Variants in CAPN9 observed in about 807,000 individuals in gnomAD.
CAPN9 encodes calpain 9.
A neutral mutation model predicts 92.8 loss-of-function variants in CAPN9; 81 were observed. The observed-to-expected ratio is 0.87, with a 90% CI of 0.73 to 1.05. CAPN9 has a LOEUF of 1.05. Among genes scored for constraint, CAPN9 ranks in the 50% least tolerant of loss-of-function variants. The pLI is 0.00. For missense variants in CAPN9, 848 were observed against 866.2 expected (o/e 0.98, Z 0.26); for synonymous variants, 304 against 328.0 (o/e 0.93, Z 0.79).
intron 18 of CAPN9, among the ~76,000 whole-genome samples, chr1:230,797,556 G>A (rs1462737065): frequency 1.3e-5 from 2 of 152,144 alleles, no homozygotes; most frequent in Non-Finnish European, 2.9e-5. Context: ...GCTTTGGGTT[G>A]TATTATTAAA....
intron 6 of CAPN9, among the ~76,000 whole-genome samples, chr1:230,769,839 C>T (rs28741089): frequency 0.016 from 2,474 of 152,234 alleles, 78 homozygotes; most frequent in African/African-American, 0.056. Context: ...TACAATGACC[C>T]AGTTCCACTT....
rs573550625 is a variant in CAPN9 at position 230,765,249 on chromosome 1, A to G, written c.537-2292A>G. On this transcript the variant is annotated intron_variant, in intron 4 of 19. Transcript: ENST00000271971. The stretch of plus-strand genomic sequence containing the variant: ...CACACACACACACACACACACACAC[A>G]CACACACACAAATGAGGTTATGCCA... Among the ~76,000 whole-genome samples the G allele has an allele frequency of 2.9e-3, 444 of 151,124 alleles. 2 individuals carry two copies. The highest frequency in any genetic ancestry group is 0.011 in the African/African-American group (430 of 40,862).
chr1:230,758,291 C>T (rs868735175), intron 2 of CAPN9, among the ~76,000 whole-genome samples: 1 of 152,174 alleles, frequency 6.6e-6, no homozygotes, highest in East Asian at 1.9e-4. Flanking sequence ...AAGCTGAAAG[C>T]AGACACCAAG....
At chr1:230,794,074 G>A (rs1032887097) in intron 17 of CAPN9, among the ~76,000 whole-genome samples, 4 of 152,210 alleles carry the variant, frequency 2.6e-5, no homozygotes, top group African/African-American at 9.7e-5. Context: ...GAATTAGGAA[G>A]AAGCAGAAAG....
intron 14 of CAPN9, 198 bp downstream of exon 14, chr1:230,790,387 A>G: frequency 1.1e-6 from 1 of 872,832 alleles, no homozygotes; most frequent in Non-Finnish European, 1.4e-6. Context: ...AATTCTTAAA[A>G]ATGCAGAAAA....
At chr1:230,767,861 C>A in intron 5 of CAPN9, 152 bp downstream of exon 5, 32 of 623,130 alleles carry the variant, frequency 5.1e-5, no homozygotes, top group Non-Finnish European at 5.7e-5. Context: ...AATTAAAACA[C>A]AAGTTTTGGG....
At chr1:230,792,552 G>C in intron 16 of CAPN9, 58 bp downstream of exon 16, 3 of 1,379,762 alleles carry the variant, frequency 2.2e-6, no homozygotes, top group Non-Finnish European at 3.1e-6. Context: ...TAGAGCAGAG[G>C]GGATTTAAAA....
chr1:230,763,471 A>G (rs1665775003), intron 4 of CAPN9, among the ~76,000 whole-genome samples: 1 of 152,124 alleles, frequency 6.6e-6, no homozygotes, highest in Non-Finnish European at 1.5e-5. Flanking sequence ...TAGTCTAGGA[A>G]CCTCATATAA....
intron 4 of CAPN9, among the ~76,000 whole-genome samples, chr1:230,763,778 G>A (rs1665792769): frequency 6.6e-6 from 1 of 152,212 alleles, no homozygotes; most frequent in South Asian, 2.1e-4. Flanking sequence ...AAATCAGCAG[G>A]ACAGAATTAA....
At chr1:230,784,539 T>C (rs2102908746) in intron 11 of CAPN9, among the ~76,000 whole-genome samples, 1 of 152,364 alleles carries the variant, frequency 6.6e-6, no homozygotes, top group Non-Finnish European at 1.5e-5. Flanking sequence ...AGGCACCAGA[T>C]ACAGTTTGGG....
chr1:230,752,802 G>T, intron 1 of CAPN9: 1 of 614,194 alleles, frequency 1.6e-6, no homozygotes, highest in Non-Finnish European at 2.0e-6. Context: ...GGAGGGCTTG[G>T]GGGACTCCTG....
At chr1:230,796,029 T>TAAAA (rs34471137) in intron 18 of CAPN9, among the ~76,000 whole-genome samples, 1 of 139,794 alleles carries the variant, frequency 7.2e-6, no homozygotes, top group African/African-American at 2.6e-5. Context: ...AATACTTGAT[T>TAAAA]AAAAAAAAAA....
At chr1:230,776,503 A>G (rs879286011) in intron 8 of CAPN9, 3 of 152,214 alleles carry the variant, frequency 2.0e-5, no homozygotes, top group Non-Finnish European at 4.4e-5. Flanking sequence ...CTGCTAACAT[A>G]TTTTAGAATT....
At chr1:230,798,494 G>A (rs568221124) in intron 19 of CAPN9, among the ~76,000 whole-genome samples, 1 of 152,340 alleles carries the variant, frequency 6.6e-6, no homozygotes, top group Non-Finnish European at 1.5e-5. Flanking sequence ...ACTTGAGTGA[G>A]TGAGCAGACT....
chr1:230,771,903 C>T, intron 6 of CAPN9, 111 bp from the exon 7 acceptor site: 1 of 857,104 alleles, frequency 1.2e-6, no homozygotes. Context: ...AAGAGACTTT[C>T]AACAGAACCA....
At chr1:230,774,476 C>A (rs886439171) in intron 7 of CAPN9, 78 bp from the exon 8 acceptor site, 2 of 948,080 alleles carry the variant, frequency 2.1e-6, no homozygotes, top group Admixed American at 1.7e-5. Context: ...CATAACCGCA[C>A]ACTGTGGGTT....
chr1:230,762,522 G>A, intron 3 of CAPN9, 131 bp from the exon 4 acceptor site: 6 of 1,054,186 alleles, frequency 5.7e-6, no homozygotes, highest in Non-Finnish European at 8.3e-6. Flanking sequence ...GAACCCGTGT[G>A]TGATTTTCAA....
At chr1:230,777,777 C>T (rs551635465) in intron 8 of CAPN9, among the ~76,000 whole-genome samples, 7 of 152,124 alleles carry the variant, frequency 4.6e-5, no homozygotes, top group East Asian at 3.9e-4. Context: ...TGCTGGATTG[C>T]GGGGGACCAC....
intron 7 of CAPN9, 55 bp from the exon 8 acceptor site, chr1:230,774,499 C>T (rs1666606816): frequency 8.7e-7 from 1 of 1,149,152 alleles, no homozygotes; most frequent in Non-Finnish European, 1.3e-6. Flanking sequence ...ACATCAAGGC[C>T]ATTGTTGCTC....
Sources: allele counts gnomAD v4.1 joint callset (sites outside exome capture counted in the v4.1 genomes callset), GRCh38; gene constraint gnomAD v4.1.1; transcripts MANE v1.5; gene names NCBI Gene and HGNC (gene_info 2026-07-23, HGNC 2026-07-21).